The following UMODL1 variants were observed in gnomAD, a reference collection of about 807,000 sequenced individuals.
UMODL1 encodes uromodulin like 1.
A neutral mutation model predicts 136.3 loss-of-function variants in UMODL1; 128 were observed. The observed-to-expected ratio is 0.94, with a 90% CI of 0.81 to 1.09. The LOEUF is 1.09. Ranked by LOEUF, UMODL1 falls within the 50% of genes least tolerant of loss-of-function variation. The pLI, the probability that UMODL1 is intolerant of heterozygous loss-of-function variation, is 0.00. For missense variants in UMODL1, 1,766 were observed against 1,725.6 expected, an observed-to-expected ratio of 1.02 and a Z score of -0.41; for synonymous variants, 721 against 720.0, an observed-to-expected ratio of 1.00 and a Z score of -0.02.
At chr21:42,131,912 T>C (rs1425652636) in intron 21 of UMODL1, among the ~76,000 whole-genome samples, 1 of 152,232 alleles carries the variant, frequency 6.6e-6, no homozygotes, top group East Asian at 1.9e-4. Flanking sequence ...AGAAATAGCA[T>C]ATGTGTGAAA....
At chr21:42,095,363 G>C (rs1440350038) in intron 6 of UMODL1, among the ~76,000 whole-genome samples, 2 of 152,114 alleles carry the variant, frequency 1.3e-5, no homozygotes, top group Middle Eastern at 3.4e-3. Context: ...CCAAAGTTCT[G>C]GGATTACAGA....
Position 42,090,156 on chromosome 21 carries a change from G to T in UMODL1, c.791-142G>T. 2.7e-6 allele frequency: 3 copies of T among 1,091,466 alleles called. No homozygotes were observed. The South Asian group carries it at 4.6e-5, about 17-fold the overall frequency. 67.6% of individuals were successfully genotyped at this position (1,091,466 alleles called of 1,614,324 possible). The stretch of plus-strand genomic sequence containing the variant: ...AGACGAGACTTCCATAGTCTCCCTT[G>T]GGATCACTGCCCAAGGCACCCCTCA... On this transcript the variant is annotated intron_variant, in intron 5 of 22. Transcript: ENST00000408910.
chr21:42,075,097 A>G (rs1466892930), intron 1 of UMODL1, among the ~76,000 whole-genome samples: 1 of 151,824 alleles, frequency 6.6e-6, no homozygotes, highest in Non-Finnish European at 1.5e-5. Flanking sequence ...AGGGGCTTTC[A>G]CCATGTTAGC....
chr21:42,099,237 G>A lies in UMODL1; in HGVS notation c.1186+57G>A, dbSNP rs748314827. The A allele has an allele frequency of 1.4e-4, 221 of 1,586,968 alleles. No individual in the cohort carries two copies. Among genetic ancestry groups the A allele is most frequent in the Non-Finnish European group, 1.7e-4 (201 of 1,165,076 alleles). On this transcript the variant is annotated intron_variant, in intron 7 of 22. Transcript: ENST00000408910. This position sits in a 1 kb window ranked among gnomAD's most constrained non-coding sequence, Gnocchi z 4.1. Reference sequence around the variant, plus strand: ...TTGCGAGCTTGTCTTTCTATCCCAGGTCTGTGGCCCTAGCATGTCGCGTTC... The same window carrying A: ...TTGCGAGCTTGTCTTTCTATCCCAGATCTGTGGCCCTAGCATGTCGCGTTC...
At chr21:42,137,688 T>C in intron 22 of UMODL1, 47 bp downstream of exon 22, 1 of 741,162 alleles carries the variant, frequency 1.3e-6, no homozygotes, top group Non-Finnish European at 1.8e-6. Flanking sequence ...GGAAGGTGGG[T>C]GTGGAGTGGG....
At chr21:42,090,250 G>A (rs528383146) in intron 5 of UMODL1, 48 bp from the exon 6 acceptor site, 10 of 1,609,918 alleles carry the variant, frequency 6.2e-6, no homozygotes, top group Admixed American at 5.0e-5. Context: ...TGAAGATGAC[G>A]AGGTAGCTGC....
Position 42,114,283 on chromosome 21 carries a change from G to A in UMODL1, c.2362+453G>A, listed in dbSNP as rs561219515. Among the ~76,000 whole-genome samples the A allele has an allele frequency of 3.3e-5, 5 of 152,384 alleles. No individual in the cohort carries two copies. In the South Asian group the frequency reaches 8.3e-4, roughly 25 times the overall value. ...GCCTGCCAGAGCCTGGGGCCACAAA[G>A]TAAAGAATTGAGCAATAATGAATCA... is the stretch of plus-strand genomic sequence containing the variant. On this transcript the variant is annotated intron_variant, in intron 13 of 22. Transcript: ENST00000408910.
At chr21:42,126,940 G>C in intron 18 of UMODL1, 66 bp from the exon 19 acceptor site, 1 of 1,290,644 alleles carries the variant, frequency 7.7e-7, no homozygotes, top group Non-Finnish European at 1.1e-6. Flanking sequence ...GGAGAAGTGG[G>C]AATGGGAGGG....
chr21:42,137,349 C>A (rs1190205759), intron 21 of UMODL1, 90 bp from the exon 22 acceptor site: 9 of 1,496,540 alleles, frequency 6.0e-6, no homozygotes, highest in Non-Finnish European at 8.2e-6. Context: ...TGCTTCAGAT[C>A]CATCAGCCCC....
intron 16 of UMODL1, among the ~76,000 whole-genome samples, chr21:42,121,558 G>A (rs575571723): frequency 1.2e-3 from 176 of 152,342 alleles, no homozygotes; most frequent in African/African-American, 4.1e-3. Flanking sequence ...ACCGTCTTGT[G>A]AAACACGCAG....
intron 6 of UMODL1, among the ~76,000 whole-genome samples, chr21:42,096,767 C>T (rs1447772658): frequency 6.6e-6 from 1 of 152,166 alleles, no homozygotes. Flanking sequence ...TTCCTGTTTG[C>T]AGGGCGTTTT....
At chr21:42,130,221 C>CTTT (rs1555933370) in intron 21 of UMODL1, among the ~76,000 whole-genome samples, 3 of 150,568 alleles carry the variant, frequency 2.0e-5, no homozygotes, top group South Asian at 4.2e-4. Flanking sequence ...GCCATGTCAA[C>CTTT]GTGTGTGTGT....
In UMODL1 at chr21:42,110,915, G is replaced by C. The variant is rs773290971; in HGVS notation, c.1693G>C (p.Ala565Pro). 2.5e-6 allele frequency: 4 copies of C among 1,612,152 alleles called. No individual in the cohort carries two copies. In the East Asian group the frequency reaches 8.9e-5, roughly 36 times the overall value. Residue 565 changes from alanine to proline, a missense_variant, in exon 11 of 23, where the codon GCG (alanine) becomes CCG (proline). Ala to Pro is a conservative substitution (Grantham distance 27). Coordinates refer to ENST00000408910, the MANE Select transcript of UMODL1 (RefSeq NM_001004416.3). ...LVSPMGGGLS[A>P]ATGVTVPGLG... is the part of the protein sequence containing the mutation. ...GAGCCCCATGGGCGGTGGACTGTCT[G>C]CGGCAACAGGGGTAACGGTCCCAGG...
At chr21:42,111,162 G>A (rs2066818776) in intron 11 of UMODL1, 41 bp downstream of exon 11, 3 of 1,584,864 alleles carry the variant, frequency 1.9e-6, no homozygotes, top group African/African-American at 1.3e-5. Context: ...GACCAGGGGA[G>A]CCCCAGCCAG....
At chr21:42,077,116 C>G (rs905812637) in intron 2 of UMODL1, among the ~76,000 whole-genome samples, 19 of 148,848 alleles carry the variant, frequency 1.3e-4, no homozygotes, top group African/African-American at 1.7e-4. Context: ...AGTTTCTGTA[C>G]AGTCAGAAGG....
intron 7 of UMODL1, among the ~76,000 whole-genome samples, chr21:42,101,204 T>TA (rs1237327599): frequency 1.3e-5 from 2 of 151,834 alleles, no homozygotes; most frequent in Non-Finnish European, 2.9e-5. Context: ...GGGCAGGTGT[T>TA]ACGGTGGCAG....
At chr21:42,093,148 C>T (rs139976254) in intron 6 of UMODL1, among the ~76,000 whole-genome samples, 3 of 152,320 alleles carry the variant, frequency 2.0e-5, no homozygotes, top group Admixed American at 6.5e-5. Context: ...TTTTATTTGG[C>T]GTTCTAGAAC....
intron 7 of UMODL1, among the ~76,000 whole-genome samples, chr21:42,101,003 A>G (rs2066624499): frequency 6.8e-6 from 1 of 147,944 alleles, no homozygotes; most frequent in Non-Finnish European, 1.5e-5. Flanking sequence ...TGTCAGGCAC[A>G]GATAATTTGG....
chr21:42,137,559 A>G lies in UMODL1; in HGVS notation c.3896A>G (p.Asn1299Ser). The change falls in exon 22 of 23, where the codon AAT becomes AGT. Residue 1299 changes from asparagine (N) to serine (S), a missense_variant. Asn to Ser is a conservative substitution (Grantham distance 46). Coordinates refer to ENST00000408910, the MANE Select transcript of UMODL1 (RefSeq NM_001004416.3). ...TLLIVRYQRM[N>S]GRYNFKIQSN... ...CTGATCGTGCGCTACCAGAGAATGA[A>G]TGGGAGATACAACTTTAAAATCCAG... 6.8e-6 allele frequency: 11 copies of G among 1,614,194 alleles called. No homozygotes were observed. The highest frequency in any genetic ancestry group is 1.1e-5 in the South Asian group (1 of 91,082).
Sources: gnomAD v4.1 joint callset for allele counts (sites outside exome capture counted in the v4.1 genomes callset) on GRCh38, gnomAD v4.1.1 for gene constraint, Gnocchi (gnomAD v3.1) non-coding constraint, MANE v1.5 for transcripts, NCBI Gene and HGNC (gene_info 2026-07-23, HGNC 2026-07-21) for gene names.